Variants in KCNN2 observed in about 807,000 individuals in gnomAD.
KCNN2 encodes small conductance calcium-activated potassium channel protein 2.
A neutral mutation model predicts 55.5 loss-of-function variants in KCNN2; 24 were observed. The ratio of observed to expected loss-of-function variants is 0.43; its 90% CI spans 0.31 to 0.61. The LOEUF (loss-of-function observed/expected upper bound fraction) is 0.61, where lower values mean the gene tolerates loss of function less well. Ranked by LOEUF, KCNN2 falls within the 20% of genes least tolerant of loss-of-function variation. KCNN2 has a pLI of 0.08. For missense variants in KCNN2, 754 were observed against 853.6 expected (o/e 0.88, Z 1.45); for synonymous variants, 431 against 336.1 (o/e 1.28, Z -3.09).
chr5:114,365,311 C>T (rs2150047402), intron 2 of KCNN2, among the ~76,000 whole-genome samples: 1 of 152,292 alleles, frequency 6.6e-6, no homozygotes, highest in South Asian at 2.1e-4. Context: ...GATGAACACA[C>T]ATTTGAATTT....
intron 3 of KCNN2, among the ~76,000 whole-genome samples, chr5:114,442,504 G>T (rs542599505): frequency 6.6e-6 from 1 of 152,264 alleles, no homozygotes; most frequent in Non-Finnish European, 1.5e-5. Flanking sequence ...CTGAACCTCA[G>T]TTTCCTCAGT....
At chr5:114,487,349 C>T (rs1231874961) in intron 6 of KCNN2, among the ~76,000 whole-genome samples, 172 bp downstream of exon 6, 3 of 152,120 alleles carry the variant, frequency 2.0e-5, no homozygotes, top group African/African-American at 7.2e-5. Flanking sequence ...AGAATAACCT[C>T]AGTTCCTTTA....
At chr5:114,414,455 C>T (rs1007279433) in intron 3 of KCNN2, among the ~76,000 whole-genome samples, 8 of 152,076 alleles carry the variant, frequency 5.3e-5, no homozygotes, top group African/African-American at 9.7e-5. Context: ...ACTGTTTCTC[C>T]GCTGCTTGCT....
intron 1 of KCNN2, among the ~76,000 whole-genome samples, chr5:114,190,014 A>G (rs1052308050): frequency 6.6e-6 from 1 of 152,190 alleles, no homozygotes; most frequent in African/African-American, 2.4e-5. Flanking sequence ...TCTTTATAAC[A>G]TCACAGCATG....
intron 3 of KCNN2, among the ~76,000 whole-genome samples, chr5:114,450,835 A>G (rs1268282509): frequency 1.3e-5 from 2 of 152,256 alleles, no homozygotes; most frequent in African/African-American, 4.8e-5. Flanking sequence ...TCTACATCCC[A>G]CTTGACTTCA....
intron 1 of KCNN2, among the ~76,000 whole-genome samples, chr5:114,196,401 T>C (rs1182028686): frequency 6.6e-6 from 1 of 152,096 alleles, no homozygotes; most frequent in East Asian, 1.9e-4. Context: ...GTTCCCATCT[T>C]CTGTTTTTTG....
intron 2 of KCNN2, among the ~76,000 whole-genome samples, chr5:114,299,169 ATCTG>A (rs1478228392): frequency 7.2e-6 from 1 of 139,764 alleles, no homozygotes; most frequent in Non-Finnish European, 1.5e-5. Context: ...CCATCTCTGC[ATCTG>A]TAAGGTTGGT....
intron 1 of KCNN2, among the ~76,000 whole-genome samples, chr5:114,176,882 G>A (rs1374819354): frequency 6.6e-6 from 1 of 152,046 alleles, no homozygotes; most frequent in Non-Finnish European, 1.5e-5. Flanking sequence ...AAATATGTAA[G>A]TTAATATAGA....
chr5:114,423,528 A>G (rs936684778), intron 3 of KCNN2, among the ~76,000 whole-genome samples: 27 of 151,990 alleles, frequency 1.8e-4, no homozygotes, highest in Non-Finnish European at 3.7e-4. Flanking sequence ...TTAGGAGAGG[A>G]AAAAAAACCC....
At chr5:114,227,242 G>C (rs1754255295) in intron 2 of KCNN2, among the ~76,000 whole-genome samples, 2 of 152,082 alleles carry the variant, frequency 1.3e-5, no homozygotes, top group Non-Finnish European at 1.5e-5. Context: ...AAGAATGAAG[G>C]AATGAGTGAG....
intron 2 of KCNN2, among the ~76,000 whole-genome samples, chr5:114,223,688 G>A (rs1035540134): frequency 1.3e-5 from 2 of 152,188 alleles, no homozygotes; most frequent in Admixed American, 6.5e-5. Flanking sequence ...TTTTCACAGA[G>A]CATCTATAAG....
At chr5:114,174,225 G>C (rs1404114954) in intron 1 of KCNN2, among the ~76,000 whole-genome samples, 1 of 152,084 alleles carries the variant, frequency 6.6e-6, no homozygotes, top group Non-Finnish European at 1.5e-5. Flanking sequence ...ATAACCAACT[G>C]GGTAGTTGTC....
At chr5:114,335,084 C>T (rs917857021) in intron 2 of KCNN2, among the ~76,000 whole-genome samples, 3 of 152,076 alleles carry the variant, frequency 2.0e-5, no homozygotes, top group Non-Finnish European at 4.4e-5. Flanking sequence ...CCTCCACGCC[C>T]GGCTAATTTT....
In KCNN2 at chr5:114,292,871, C is replaced by T. The variant is rs184058137; in HGVS notation, c.-184-68074C>T. Among the ~76,000 whole-genome samples the T allele has an allele frequency of 9.9e-5, 15 of 152,284 alleles. No homozygotes were observed. In the East Asian group the frequency reaches 2.3e-3, roughly 24 times the overall value. ...TTGTATCCTCTTTTAATTCATTGAG[C>T]AGTGGTTTGTAGTTCTCCTTGAAGA... On this transcript the variant is annotated intron_variant, in intron 2 of 10. Coordinates refer to the KCNN2 transcript ENST00000512097.
Position 114,362,583 on chromosome 5 carries a change from G to T in KCNN2, c.444G>T (p.Ala148=), listed in dbSNP as rs1166479591. The T allele has an allele frequency of 4.2e-6, 3 of 711,024 alleles. No individual in the cohort carries two copies. Among genetic ancestry groups the T allele is most frequent in the African/African-American group, 1.9e-5 (1 of 52,884 alleles). 44.0% of individuals were successfully genotyped at this position (711,024 alleles called of 1,614,324 possible). Residue 148 remains alanine (A), a synonymous_variant, in exon 1 of 8, where the codon GCG becomes GCT. Transcript: ENST00000673685. ...GGCAGCAGTACGCGCAGCAGTCCGC[G>T]CAGCAGTCGGCGTCCGCCTCCCAGT... is the stretch of plus-strand genomic sequence containing the variant. ...ALRQQYAQQS[A]QQSASASQYH...
chr5:114,067,748 T>C (rs1236680805), intron 1 of KCNN2, among the ~76,000 whole-genome samples: 1 of 152,204 alleles, frequency 6.6e-6, no homozygotes, highest in Non-Finnish European at 1.5e-5. Context: ...CAGGGGTCTG[T>C]GTATACTGTC....
chr5:114,406,649 T>C (rs930764701), intron 3 of KCNN2, among the ~76,000 whole-genome samples: 1 of 152,144 alleles, frequency 6.6e-6, no homozygotes, highest in African/African-American at 2.4e-5. Flanking sequence ...TACCTTTTAC[T>C]CTTTTCAAAT....
intron 2 of KCNN2, among the ~76,000 whole-genome samples, chr5:114,229,725 A>T (rs1754317642): frequency 7.1e-6 from 1 of 140,620 alleles, no homozygotes; most frequent in African/African-American, 2.6e-5. Context: ...GTTCAGGTTT[A>T]ATTATTGGGA....
rs543600666 is a variant in KCNN2, at chr5:114,248,239, G to A, written c.-185+26674G>A. ...AAATACGCATTATTTCAGCTTGAGA[G>A]TTGGTGTCATCCTCTTAATGATATT... is the stretch of plus-strand genomic sequence containing the variant. On this transcript the variant is annotated intron_variant, in intron 2 of 10. Coordinates refer to the KCNN2 transcript ENST00000512097. Among the ~76,000 whole-genome samples, 7 of 152,276 alleles carry A rather than the reference G, an allele frequency of 4.6e-5. No homozygotes were observed. In the East Asian group the frequency reaches 7.7e-4, roughly 17 times the overall value.
Sources: gnomAD v4.1 joint callset for allele counts (sites outside exome capture counted in the v4.1 genomes callset) on GRCh38, gnomAD v4.1.1 for gene constraint, MANE v1.5 for transcripts, NCBI Gene and HGNC (gene_info 2026-07-23, HGNC 2026-07-21) for gene names.